ZCCHC14: variants seen among roughly 807,000 people sequenced by gnomAD.
ZCCHC14 encodes the protein zinc finger CCHC-type containing 14.
Under a neutral mutation model 85.0 loss-of-function variants are expected in ZCCHC14, and 16 were observed. That is an observed-to-expected ratio of 0.19 (90% CI 0.13 to 0.29). The LOEUF (loss-of-function observed/expected upper bound fraction) is 0.29. ZCCHC14 is among the 10% of genes least tolerant of loss of function. The pLI, the probability that ZCCHC14 is intolerant of heterozygous loss-of-function variation, is 1.00. For missense variants in ZCCHC14, 1,303 were observed against 1,443.5 expected (o/e 0.90, Z 1.58); for synonymous variants, 775 against 630.7 (o/e 1.23, Z -3.43).
At chr16:87,466,815 G>A (rs1251395359) in intron 1 of ZCCHC14, among the ~76,000 whole-genome samples, 1 of 152,208 alleles carries the variant, frequency 6.6e-6, no homozygotes, top group Non-Finnish European at 1.5e-5. Context: ...AGAGGCTGGA[G>A]AAAGTGAAGT....
chr16:87,449,571 G>A (rs1044552322), intron 2 of ZCCHC14, among the ~76,000 whole-genome samples: 1 of 152,020 alleles, frequency 6.6e-6, no homozygotes, highest in Non-Finnish European at 1.5e-5. Context: ...GAGACCTACA[G>A]AAGAAAACCA....
intron 2 of ZCCHC14, among the ~76,000 whole-genome samples, chr16:87,446,024 A>G (rs1025093117): frequency 1.3e-5 from 2 of 152,116 alleles, no homozygotes; most frequent in African/African-American, 4.8e-5. Context: ...AATTTTGGCC[A>G]GGCACGGTGG....
chr16:87,448,876 T>C (rs1196687497), intron 2 of ZCCHC14, among the ~76,000 whole-genome samples: 1 of 152,250 alleles, frequency 6.6e-6, no homozygotes, highest in Non-Finnish European at 1.5e-5. Flanking sequence ...AAACCCATGC[T>C]GCAGCTGGCT....
intron 2 of ZCCHC14, among the ~76,000 whole-genome samples, chr16:87,436,853 C>T (rs2150741049): frequency 6.6e-6 from 1 of 152,324 alleles, no homozygotes; most frequent in East Asian, 1.9e-4. Context: ...ATGGGAACAG[C>T]TGTGTACGGT....
chr16:87,439,397 T>G (rs1015355063), intron 2 of ZCCHC14, among the ~76,000 whole-genome samples: 10 of 152,186 alleles, frequency 6.6e-5, no homozygotes, highest in African/African-American at 2.4e-4. Flanking sequence ...CCTCCCAAAG[T>G]GCTGGGATTA....
At chr16:87,440,967 C>G (rs1318472429) in intron 2 of ZCCHC14, among the ~76,000 whole-genome samples, 1 of 151,132 alleles carries the variant, frequency 6.6e-6, no homozygotes, top group Non-Finnish European at 1.5e-5. Flanking sequence ...CATCAGTCTT[C>G]TATCTGCTAT....
intron 1 of ZCCHC14, among the ~76,000 whole-genome samples, chr16:87,482,163 G>A (rs1912310013): frequency 6.6e-6 from 1 of 152,206 alleles, no homozygotes; most frequent in Admixed American, 6.5e-5. Context: ...AACCATGGCA[G>A]GTTGGAAGAC....
intron 2 of ZCCHC14, among the ~76,000 whole-genome samples, chr16:87,434,772 A>T (rs1349564799): frequency 1.3e-5 from 2 of 152,124 alleles, no homozygotes; most frequent in African/African-American, 4.8e-5. Context: ...CAGGCAAATC[A>T]CAAGGTCAGG....
intron 2 of ZCCHC14, among the ~76,000 whole-genome samples, chr16:87,441,238 C>T (rs933654854): frequency 2.6e-5 from 4 of 151,644 alleles, no homozygotes; most frequent in Non-Finnish European, 5.9e-5. Context: ...GTGATCCGCC[C>T]GCCTCGGCCT....
rs772482437 is a variant in ZCCHC14, at chr16:87,412,903, G to A, written c.1818C>T (p.Ser606=). ...VMLLNHFTSS[S]ARPTAQVLPV... is the part of the protein sequence containing the mutation. ...GGAGAACCTGGGCCGTGGGTCTGGC[G>A]GAACTGGAAGTGAAGTGATTCAGCA... The change falls in exon 12 of 13, where the codon TCC becomes TCT. Residue 606 remains serine, a synonymous_variant. Coordinates refer to ENST00000671377, the MANE Select transcript of ZCCHC14 (RefSeq NM_015144.3). The A allele has an allele frequency of 1.4e-5, 22 of 1,601,184 alleles. No individual in the cohort carries two copies. Among genetic ancestry groups the A allele is most frequent in the East Asian group, 4.5e-5 (2 of 44,784 alleles).
intron 3 of ZCCHC14, among the ~76,000 whole-genome samples, chr16:87,425,066 G>C (rs1280777150): frequency 3.9e-5 from 6 of 152,074 alleles, no homozygotes; most frequent in African/African-American, 1.4e-4. Flanking sequence ...CCTCCTGCCT[G>C]CTGAAACTGA....
intron 1 of ZCCHC14, among the ~76,000 whole-genome samples, chr16:87,475,170 A>T (rs1288610670): frequency 2.0e-5 from 3 of 152,220 alleles, no homozygotes; most frequent in Admixed American, 6.5e-5. Flanking sequence ...TAGCCCTTAC[A>T]ACGGGGCTCA....
intron 2 of ZCCHC14, among the ~76,000 whole-genome samples, chr16:87,459,185 G>A (rs548478681): frequency 4.6e-5 from 7 of 152,326 alleles, no homozygotes; most frequent in African/African-American, 1.7e-4. Flanking sequence ...CATTAGCCAT[G>A]TTTCAAGTGC....
At chr16:87,418,598 T>C (rs1908921028) in intron 7 of ZCCHC14, among the ~76,000 whole-genome samples, 1 of 152,202 alleles carries the variant, frequency 6.6e-6, no homozygotes, top group African/African-American at 2.4e-5. Flanking sequence ...AAATTCTGAC[T>C]TTCTACGTCT....
At chr16:87,480,187 AG>A in intron 1 of ZCCHC14, among the ~76,000 whole-genome samples, 1 of 152,182 alleles carries the variant, frequency 6.6e-6, no homozygotes, top group South Asian at 2.1e-4. Context: ...GCGGATCACA[AG>A]GTCAGGAGAT....
In ZCCHC14 at chr16:87,450,568, CT is replaced by C. The variant is rs896071309; in HGVS notation, c.694+9439del. Among the ~76,000 whole-genome samples the C allele has an allele frequency of 6.1e-3, 772 of 125,578 alleles. 4 individuals are homozygous for C. The highest frequency in any genetic ancestry group is 0.015 in the African/African-American group (519 of 34,464). The allele number at this position is 125,578 out of a possible 152,430, so 82.4% of individuals were successfully genotyped here. On this transcript the variant is annotated intron_variant, in intron 2 of 12. Coordinates refer to ENST00000671377, the MANE Select transcript of ZCCHC14 (RefSeq NM_015144.3). ...GAAAACATAAAGCTGATAATAGATT[CT>C]TTTTTTTTTTTTTTTTTTGAGAGAG...
chr16:87,468,699 G>A (rs1911645538), intron 1 of ZCCHC14, among the ~76,000 whole-genome samples: 1 of 152,142 alleles, frequency 6.6e-6, no homozygotes, highest in South Asian at 2.1e-4. Context: ...TGTCCCCAGG[G>A]GACATCTGGC....
intron 2 of ZCCHC14, among the ~76,000 whole-genome samples, chr16:87,444,623 T>G (rs1443810850): frequency 6.6e-6 from 1 of 152,202 alleles, no homozygotes; most frequent in African/African-American, 2.4e-5. Context: ...CAGCGTAGCA[T>G]GTTCCTGGCA....
intron 2 of ZCCHC14, among the ~76,000 whole-genome samples, chr16:87,440,720 C>A (rs1289456951): frequency 1.3e-5 from 2 of 152,146 alleles, no homozygotes; most frequent in Non-Finnish European, 2.9e-5. Flanking sequence ...GATCCACCCA[C>A]CTCAGCCTCC....
Sources: allele counts gnomAD v4.1 joint callset (sites outside exome capture counted in the v4.1 genomes callset), GRCh38; gene constraint gnomAD v4.1.1; transcripts MANE v1.5; gene names NCBI Gene and HGNC (gene_info 2026-07-23, HGNC 2026-07-21).